The following TSPEAR variants were observed in gnomAD, a reference collection of about 807,000 sequenced individuals.
TSPEAR encodes the protein thrombospondin-type laminin G domain and EAR repeat-containing protein.
TSPEAR carries 69 observed loss-of-function variants against 71.6 expected under a neutral mutation model. The ratio of observed to expected loss-of-function variants is 0.96; its 90% CI spans 0.79 to 1.18. The LOEUF (loss-of-function observed/expected upper bound fraction) is 1.18. Ranked by LOEUF, TSPEAR falls within the 50% of genes most tolerant of loss-of-function variation. The pLI is 0.00. For missense variants in TSPEAR, 971 were observed against 894.9 expected, an observed-to-expected ratio of 1.09 and a Z score of -1.09; for synonymous variants, 402 against 387.2, an observed-to-expected ratio of 1.04 and a Z score of -0.45.
intron 1 of TSPEAR, among the ~76,000 whole-genome samples, chr21:44,655,639 T>C (rs1985101303): frequency 6.6e-6 from 1 of 152,194 alleles, no homozygotes; most frequent in South Asian, 2.1e-4. Context: ...TGGGGGAAAG[T>C]GAGGAGCTGG....
At position 44,546,495 on chromosome 21, in the gene TSPEAR, C is replaced by G. The variant is rs1361021061; in HGVS notation, c.304-12572G>C. ...GACTACAGGCTCCCGCCACCAGGCC[C>G]GGCTAATTTTTTGTATTTTGATTGG... On this transcript the variant is annotated intron_variant, in intron 2 of 11. Transcript: ENST00000323084. The surrounding 1 kb of genome is among the most constrained non-coding windows in gnomAD (Gnocchi z 4.4). Among the ~76,000 whole-genome samples the G allele has an allele frequency of 6.6e-6, 1 of 152,136 alleles. No homozygotes were observed. The highest frequency in any genetic ancestry group is 2.1e-4 in the South Asian group (1 of 4,814).
At chr21:44,503,886 G>A (rs372355841) in intron 11 of TSPEAR, among the ~76,000 whole-genome samples, 19 of 141,448 alleles carry the variant, frequency 1.3e-4, no homozygotes, top group Admixed American at 4.2e-4. Flanking sequence ...GAGCCCACAG[G>A]GGGGAAGCAA....
chr21:44,670,659 A>G (rs1280811348), intron 1 of TSPEAR, among the ~76,000 whole-genome samples: 2 of 152,232 alleles, frequency 1.3e-5, no homozygotes, highest in African/African-American at 4.8e-5. Flanking sequence ...CCTGAGACTT[A>G]CATAGGGATT....
intron 1 of TSPEAR, among the ~76,000 whole-genome samples, chr21:44,588,828 A>T (rs1198374629): frequency 4.0e-5 from 6 of 151,650 alleles, no homozygotes; most frequent in African/African-American, 9.7e-5. Context: ...TAATAAAAAG[A>T]AATGAATTAA....
chr21:44,530,548 C>A (rs1296370737), intron 4 of TSPEAR, among the ~76,000 whole-genome samples: 1 of 152,198 alleles, frequency 6.6e-6, no homozygotes, highest in African/African-American at 2.4e-5. Flanking sequence ...TTTGTCCATC[C>A]CTCCATCTGC....
intron 1 of TSPEAR, among the ~76,000 whole-genome samples, chr21:44,648,329 A>G (rs1458943475): frequency 6.6e-6 from 1 of 152,212 alleles, no homozygotes; most frequent in Non-Finnish European, 1.5e-5. Context: ...GCACCTCCTC[A>G]GGAGGCTGGG....
intron 7 of TSPEAR, among the ~76,000 whole-genome samples, chr21:44,527,027 A>G (rs1485299991): frequency 6.6e-6 from 1 of 152,224 alleles, no homozygotes; most frequent in African/African-American, 2.4e-5. Flanking sequence ...AAATGTAGTG[A>G]CGAGGGGTCT....
In TSPEAR at chr21:44,527,404, T is replaced by C. The variant is rs781954165; in HGVS notation, c.1037A>G (p.Asn346Ser). Residue 346 changes from asparagine to serine, a missense_variant, in exon 7 of 12, where the codon AAT (asparagine) becomes AGT (serine). Coordinates refer to ENST00000323084, the MANE Select transcript of TSPEAR (RefSeq NM_144991.3). The part of the protein sequence containing the change: ...PQVGLFVATA[N>S]RKATSAVYKW... ...GTAGACGGCGGATGTGGCTTTGCGA[T>C]TGGCTGTGGCCACAAAGAGCCCCAC... 10 of 1,614,092 alleles carry C rather than the reference T, an allele frequency of 6.2e-6. No homozygotes were observed. In the South Asian group the frequency reaches 9.9e-5, roughly 16 times the overall value.
intron 1 of TSPEAR, among the ~76,000 whole-genome samples, chr21:44,672,452 C>G (rs1240122145): frequency 2.0e-5 from 3 of 152,140 alleles, no homozygotes; most frequent in Non-Finnish European, 4.4e-5. Context: ...TGCCTGTAGT[C>G]CCAGCTACTC....
rs140325626 is a variant in TSPEAR at position 44,686,190 on chromosome 21, G to A, written c.82+25243C>T. 4.6e-3 allele frequency among the ~76,000 whole-genome samples: 697 copies of A among 152,178 alleles called. 11 individuals carry two copies. Among genetic ancestry groups the A allele is most frequent in the African/African-American group, 0.016 (673 of 41,522 alleles). The stretch of plus-strand genomic sequence containing the variant: ...TGACAGCCCTTCACCAGCTCCCCTC[G>A]GCTCTGTTTCCAGGAAACACATGGT... On this transcript the variant is annotated intron_variant, in intron 1 of 11. Coordinates refer to ENST00000323084, the MANE Select transcript of TSPEAR (RefSeq NM_144991.3).
intron 9 of TSPEAR, among the ~76,000 whole-genome samples, chr21:44,516,819 C>T (rs951240702): frequency 2.6e-5 from 4 of 152,204 alleles, no homozygotes; most frequent in East Asian, 1.9e-4. Context: ...GATCTATGTA[C>T]GCTGCTTTTC....
rs563528815 is a variant in TSPEAR, at chr21:44,702,058, C to T, written c.82+9375G>A. 2.0e-5 allele frequency among the ~76,000 whole-genome samples: 3 copies of T among 152,302 alleles called. 1 individual carries two copies. The highest frequency in any genetic ancestry group is 7.2e-5 in the African/African-American group (3 of 41,572). ...GATGATCCTGGCTTAGCCAGAGAGA[C>T]CCTAAGTGCCGTCACACACGTTCCT... is the stretch of plus-strand genomic sequence containing the variant. On this transcript the variant is annotated intron_variant, in intron 1 of 11. Coordinates refer to ENST00000323084, the MANE Select transcript of TSPEAR (RefSeq NM_144991.3).
chr21:44,622,157 T>C (rs2146193689), intron 1 of TSPEAR, among the ~76,000 whole-genome samples: 1 of 152,328 alleles, frequency 6.6e-6, no homozygotes. Flanking sequence ...CAATACAAAC[T>C]TAAACCCCAA....
intron 1 of TSPEAR, among the ~76,000 whole-genome samples, chr21:44,603,770 C>A (rs587652576): frequency 6.8e-4 from 103 of 152,376 alleles, no homozygotes; most frequent in African/African-American, 2.4e-3. Flanking sequence ...GGACATTCAC[C>A]ATTTGCCCTG....
At chr21:44,549,565 GAAGTA>G (rs1466968978) in intron 2 of TSPEAR, among the ~76,000 whole-genome samples, 3 of 152,238 alleles carry the variant, frequency 2.0e-5, no homozygotes, top group African/African-American at 4.8e-5. Flanking sequence ...TAGCTGTGGA[GAAGTA>G]AAGACTCAGG....
intron 2 of TSPEAR, among the ~76,000 whole-genome samples, chr21:44,556,746 T>C (rs1555919893): frequency 2.0e-5 from 3 of 152,088 alleles, no homozygotes; most frequent in African/African-American, 7.2e-5. Context: ...GTTGATGAGA[T>C]TGTTTGACCC....
intron 1 of TSPEAR, among the ~76,000 whole-genome samples, chr21:44,619,003 C>G (rs1239612707): frequency 6.6e-6 from 1 of 152,156 alleles, no homozygotes; most frequent in Non-Finnish European, 1.5e-5. Context: ...TGATGGGGCA[C>G]TGGCTCAGAA....
intron 9 of TSPEAR, chr21:44,511,144 G>C (rs2052360091): frequency 6.6e-6 from 1 of 152,294 alleles, no homozygotes; most frequent in Non-Finnish European, 1.5e-5. Flanking sequence ...TCATCAGACT[G>C]TTCAACCCTG....
intron 1 of TSPEAR, chr21:44,574,553 C>T: frequency 6.2e-7 from 1 of 1,609,452 alleles, no homozygotes; most frequent in Non-Finnish European, 8.5e-7. Flanking sequence ...CCTCCTCTCC[C>T]TGCCAGCAGG....
Sources: allele counts gnomAD v4.1 joint callset (sites outside exome capture counted in the v4.1 genomes callset), GRCh38; gene constraint gnomAD v4.1.1; non-coding constraint Gnocchi (gnomAD v3.1); transcripts MANE v1.5; gene names NCBI Gene and HGNC (gene_info 2026-07-23, HGNC 2026-07-21).